STRN: variants seen among roughly 807,000 people sequenced by gnomAD.
STRN encodes striatin, also known as protein phosphatase 2 regulatory subunit B'''alpha.
In STRN, 53 loss-of-function variants were observed where a neutral mutation model predicts 96.3. The observed-to-expected ratio is 0.55, with a 90% CI of 0.44 to 0.69. The LOEUF (loss-of-function observed/expected upper bound fraction) is 0.69. Ranked by LOEUF, STRN falls within the 30% of genes least tolerant of loss-of-function variation. The probability of loss-of-function intolerance (pLI) is 0.00; values close to 1 mark genes in which losing one functional copy is unlikely to be tolerated. For missense variants in STRN, 987 were observed against 963.9 expected, an observed-to-expected ratio of 1.02 and a Z score of -0.32; for synonymous variants, 428 against 355.9, an observed-to-expected ratio of 1.20 and a Z score of -2.28.
intron 1 of STRN, among the ~76,000 whole-genome samples, chr2:36,929,532 A>C (rs200888845): frequency 6.6e-6 from 1 of 152,060 alleles, no homozygotes; most frequent in South Asian, 2.1e-4. Flanking sequence ...TTACAGGTGC[A>C]CACCACCACG....
At chr2:36,930,001 C>T (rs973088061) in intron 1 of STRN, among the ~76,000 whole-genome samples, 14 of 152,262 alleles carry the variant, frequency 9.2e-5, no homozygotes, top group Middle Eastern at 3.4e-3. Flanking sequence ...TTTCAATAAT[C>T]GCTTTATGTC....
intron 7 of STRN, among the ~76,000 whole-genome samples, chr2:36,888,426 C>T (rs1669294816): frequency 6.6e-6 from 1 of 152,140 alleles, no homozygotes; most frequent in Admixed American, 6.6e-5. Context: ...CTACATTCTC[C>T]CTAGAATCAC....
At chr2:36,947,416 T>C (rs1276605924) in intron 1 of STRN, among the ~76,000 whole-genome samples, 1 of 151,796 alleles carries the variant, frequency 6.6e-6, no homozygotes, top group Admixed American at 6.6e-5. Context: ...ATGCTAGATA[T>C]ATGTAAAAAT....
intron 9 of STRN, among the ~76,000 whole-genome samples, chr2:36,883,533 G>C (rs1669133854): frequency 6.6e-6 from 1 of 152,178 alleles, no homozygotes; most frequent in African/African-American, 2.4e-5. Context: ...TATGTGACTA[G>C]ACTTTTAGGT....
At chr2:36,919,166 C>T (rs1227864379) in intron 2 of STRN, among the ~76,000 whole-genome samples, 2 of 152,198 alleles carry the variant, frequency 1.3e-5, no homozygotes, top group Non-Finnish European at 2.9e-5. Flanking sequence ...GATTTACAGG[C>T]ACTGTGCTGG....
rs1669193872 is a variant in STRN at position 36,885,424 on chromosome 2, CCAAGA to C, written c.1042+1287_1042+1291del. ...GGTTTTTTGTCATGACTCTCAAAAG[CCAAGA>C]CAAATCATCTCCCTATGCTTGTTAA... is the stretch of plus-strand genomic sequence containing the variant. On this transcript the variant is annotated intron_variant, in intron 8 of 17. Transcript: ENST00000263918. Among the ~76,000 whole-genome samples the C allele has an allele frequency of 3.3e-5, 5 of 152,166 alleles. 1 individual carries two copies. The East Asian group carries it at 9.6e-4, about 29-fold the overall frequency.
intron 6 of STRN, among the ~76,000 whole-genome samples, chr2:36,897,654 G>C (rs1669580143): frequency 6.6e-6 from 1 of 151,736 alleles, no homozygotes; most frequent in African/African-American, 2.4e-5. Context: ...AGCCAGGATG[G>C]TCTTGATCTC....
At chr2:36,881,464 G>C (rs966964368) in intron 9 of STRN, among the ~76,000 whole-genome samples, 1 of 152,156 alleles carries the variant, frequency 6.6e-6, no homozygotes, top group Non-Finnish European at 1.5e-5. Flanking sequence ...TAAAAATAAA[G>C]TAACAAAATT....
intron 1 of STRN, among the ~76,000 whole-genome samples, chr2:36,926,930 C>G (rs551211336): frequency 6.6e-6 from 1 of 152,258 alleles, no homozygotes; most frequent in African/African-American, 2.4e-5. Context: ...GACAGCCCAA[C>G]TTGTCATTTC....
chr2:36,917,723 C>T (rs1455872922), intron 2 of STRN, among the ~76,000 whole-genome samples: 1 of 151,746 alleles, frequency 6.6e-6, no homozygotes, highest in Non-Finnish European at 1.5e-5. Flanking sequence ...CAGTTGATGT[C>T]CTATTTCTTA....
intron 1 of STRN, among the ~76,000 whole-genome samples, chr2:36,955,203 G>GCCA (rs1452606418): frequency 6.6e-6 from 1 of 152,170 alleles, no homozygotes; most frequent in African/African-American, 2.4e-5. Context: ...CAATGCCCTG[G>GCCA]CCTGGGTACT....
At chr2:36,896,677 C>A (rs1237573834) in intron 6 of STRN, among the ~76,000 whole-genome samples, 1 of 152,114 alleles carries the variant, frequency 6.6e-6, no homozygotes, top group African/African-American at 2.4e-5. Flanking sequence ...ATTCTTTATA[C>A]TGTGGCTAAA....
chr2:36,966,106 G>T, intron 1 of STRN, 124 bp downstream of exon 1: 1 of 1,162,854 alleles, frequency 8.6e-7, no homozygotes, highest in Middle Eastern at 3.1e-4. Context: ...GGCTCCGGGT[G>T]GGATGGGCGG....
intron 3 of STRN, among the ~76,000 whole-genome samples, chr2:36,913,076 C>T (rs1670005445): frequency 6.6e-6 from 1 of 152,140 alleles, no homozygotes. Context: ...GTCAAGGAAA[C>T]CTTACTCATT....
At chr2:36,887,730 A>C (rs926848650) in intron 7 of STRN, among the ~76,000 whole-genome samples, 1 of 152,238 alleles carries the variant, frequency 6.6e-6, no homozygotes, top group African/African-American at 2.4e-5. Flanking sequence ...TTTACAACTT[A>C]AATGATGTTA....
chr2:36,934,915 T>C (rs1370536647), intron 1 of STRN, among the ~76,000 whole-genome samples: 1 of 152,158 alleles, frequency 6.6e-6, no homozygotes. Context: ...CCGTCTCTAC[T>C]GAAAATACAA....
intron 12 of STRN, among the ~76,000 whole-genome samples, chr2:36,864,624 T>C (rs1668575581): frequency 6.6e-6 from 1 of 152,244 alleles, no homozygotes; most frequent in Non-Finnish European, 1.5e-5. Flanking sequence ...TTCCTTTCTG[T>C]TGTATCTCTG....
At chr2:36,895,782 G>A (rs1669525541) in intron 6 of STRN, among the ~76,000 whole-genome samples, 1 of 151,174 alleles carries the variant, frequency 6.6e-6, no homozygotes, top group African/African-American at 2.4e-5. Flanking sequence ...AAATTAGCGA[G>A]GCATGGTGGT....
At chr2:36,925,406 G>T (rs568120241) in intron 1 of STRN, among the ~76,000 whole-genome samples, 198 bp from the exon 2 acceptor site, 1 of 152,002 alleles carries the variant, frequency 6.6e-6, no homozygotes, top group Non-Finnish European at 1.5e-5. Context: ...GGGCTGGGGG[G>T]ACATCTAAAT....
Sources: gnomAD v4.1 joint callset for allele counts (sites outside exome capture counted in the v4.1 genomes callset) on GRCh38, gnomAD v4.1.1 for gene constraint, MANE v1.5 for transcripts, NCBI Gene and HGNC (gene_info 2026-07-23, HGNC 2026-07-21) for gene names.